Variants in VWC2 observed in about 807,000 individuals in gnomAD.
VWC2 encodes the protein brorin.
VWC2 carries 14 observed loss-of-function variants against 29.8 expected under a neutral mutation model. The observed-to-expected ratio is 0.47, with a 90% CI of 0.31 to 0.74. VWC2 has a LOEUF of 0.74. Ranked by LOEUF, VWC2 falls within the 30% of genes least tolerant of loss-of-function variation. The pLI, the probability that VWC2 is intolerant of heterozygous loss-of-function variation, is 0.05. For missense variants in VWC2, 457 were observed against 459.8 expected, an observed-to-expected ratio of 0.99 and a Z score of 0.05; for synonymous variants, 213 against 199.0, an observed-to-expected ratio of 1.07 and a Z score of -0.59.
intron 3 of VWC2, among the ~76,000 whole-genome samples, chr7:49,869,109 T>C (rs540933258): frequency 3.0e-4 from 45 of 152,302 alleles, no homozygotes; most frequent in African/African-American, 7.0e-4. Context: ...CTTTTTTTTT[T>C]CCATAAATAT....
chr7:49,813,785 C>T (rs1055864159), intron 3 of VWC2, among the ~76,000 whole-genome samples: 2 of 152,100 alleles, frequency 1.3e-5, no homozygotes, highest in South Asian at 4.1e-4. Context: ...TACAAAAATA[C>T]ACTCTCTATC....
chr7:49,836,748 T>A (rs577985), intron 3 of VWC2, among the ~76,000 whole-genome samples: 2 of 152,114 alleles, frequency 1.3e-5, no homozygotes, highest in African/African-American at 4.8e-5. Flanking sequence ...AGAAAAAATC[T>A]TTTAGGTTTT....
At chr7:49,899,143 T>C (rs1392096061) in intron 3 of VWC2, among the ~76,000 whole-genome samples, 1 of 152,038 alleles carries the variant, frequency 6.6e-6, no homozygotes, top group Admixed American at 6.6e-5. Flanking sequence ...AAGGATATGT[T>C]CTACAACCCC....
chr7:49,891,622 A>C (rs1000357734), intron 3 of VWC2, among the ~76,000 whole-genome samples: 2 of 152,212 alleles, frequency 1.3e-5, no homozygotes, highest in Admixed American at 6.5e-5. Flanking sequence ...ATAAAAAAAA[A>C]CAGCAATAAT....
At chr7:49,901,615 A>T (rs1301099559) in intron 3 of VWC2, among the ~76,000 whole-genome samples, 1 of 151,910 alleles carries the variant, frequency 6.6e-6, no homozygotes, top group Non-Finnish European at 1.5e-5. Context: ...CATTATCAAG[A>T]TCTATTGTTG....
rs1407106492 is a variant in VWC2 at position 49,918,924 on chromosome 7, G to T, written c.*6739G>T. 6.6e-6 allele frequency: 1 copy of T among 152,112 alleles called. No homozygotes were observed. Among genetic ancestry groups the T allele is most frequent in the Admixed American group, 6.6e-5 (1 of 15,262 alleles). 9.4% of individuals were successfully genotyped at this position (152,112 alleles called of 1,614,324 possible). On this transcript the variant is annotated 3_prime_UTR_variant, in exon 4 of 4. Coordinates refer to ENST00000340652, the MANE Select transcript of VWC2 (RefSeq NM_198570.5). ...AAATACAAAAAAATTACCTGGGCAT[G>T]GTGGCACATGCCTGTAATCTACTCG... is the stretch of plus-strand genomic sequence containing the variant.
At chr7:49,858,650 T>C (rs1001006825) in intron 3 of VWC2, among the ~76,000 whole-genome samples, 4 of 151,826 alleles carry the variant, frequency 2.6e-5, no homozygotes, top group Middle Eastern at 3.2e-3. Context: ...CACATGTATA[T>C]ATATGTAACA....
intron 2 of VWC2, among the ~76,000 whole-genome samples, chr7:49,778,762 TG>T (rs1403644875): frequency 1.3e-5 from 2 of 152,236 alleles, no homozygotes; most frequent in African/African-American, 4.8e-5. Context: ...ATTGTTAACA[TG>T]CCTGCTCTGG....
chr7:49,886,205 C>A (rs138419904), intron 3 of VWC2, among the ~76,000 whole-genome samples: 6 of 152,232 alleles, frequency 3.9e-5, no homozygotes, highest in Non-Finnish European at 7.4e-5. Flanking sequence ...AGTGAGGGGA[C>A]CTTGGTAAGC....
intron 3 of VWC2, among the ~76,000 whole-genome samples, chr7:49,811,472 A>C (rs1045570682): frequency 6.6e-6 from 1 of 152,210 alleles, no homozygotes; most frequent in Non-Finnish European, 1.5e-5. Context: ...CATGTGAAGA[A>C]GGACATGTTT....
chr7:49,851,763 A>G (rs545848855), intron 3 of VWC2, among the ~76,000 whole-genome samples: 117 of 152,204 alleles, frequency 7.7e-4, no homozygotes, highest in Admixed American at 2.2e-3. Flanking sequence ...GAGGCTGAGT[A>G]AGGAGAATCG....
chr7:49,897,695 G>C (rs1452973280), intron 3 of VWC2, among the ~76,000 whole-genome samples: 3 of 152,212 alleles, frequency 2.0e-5, no homozygotes, highest in Non-Finnish European at 4.4e-5. Flanking sequence ...TGAGCAGAAA[G>C]CTCCATGGGA....
At chr7:49,793,652 C>T (rs1353410868) in intron 2 of VWC2, among the ~76,000 whole-genome samples, 2 of 152,172 alleles carry the variant, frequency 1.3e-5, no homozygotes, top group Non-Finnish European at 2.9e-5. Flanking sequence ...TAATTTATAA[C>T]TGCTGTCTAT....
chr7:49,855,173 A>G (rs1263411725), intron 3 of VWC2, among the ~76,000 whole-genome samples: 1 of 152,258 alleles, frequency 6.6e-6, no homozygotes, highest in African/African-American at 2.4e-5. Context: ...TGCAATTATC[A>G]TATTTCTTAG....
chr7:49,854,389 T>C (rs2128717800), intron 3 of VWC2, among the ~76,000 whole-genome samples: 1 of 152,272 alleles, frequency 6.6e-6, no homozygotes, highest in Admixed American at 6.5e-5. Flanking sequence ...TTCCTGACTT[T>C]TTAATGATCG....
chr7:49,900,743 G>A (rs569025769), intron 3 of VWC2, among the ~76,000 whole-genome samples: 1 of 151,868 alleles, frequency 6.6e-6, no homozygotes, highest in Admixed American at 6.6e-5. Context: ...AGGAAGAACT[G>A]ATATCAATAT....
intron 3 of VWC2, among the ~76,000 whole-genome samples, chr7:49,820,942 G>T (rs1312996031): frequency 6.6e-6 from 1 of 152,208 alleles, no homozygotes; most frequent in Non-Finnish European, 1.5e-5. Flanking sequence ...AGCGTGGTCA[G>T]GTAAGAGCTG....
At chr7:49,787,514 G>A (rs1330690774) in intron 2 of VWC2, among the ~76,000 whole-genome samples, 1 of 152,144 alleles carries the variant, frequency 6.6e-6, no homozygotes, top group Non-Finnish European at 1.5e-5. Flanking sequence ...ACTATGCTCT[G>A]GGGACATGGA....
intron 3 of VWC2, among the ~76,000 whole-genome samples, chr7:49,875,379 A>AAAC (rs1791363632): frequency 2.0e-5 from 3 of 148,500 alleles, no homozygotes; most frequent in South Asian, 2.1e-4. Context: ...CAAAAAAAAA[A>AAAC]AAAAAAAAAA....
Sources: allele counts gnomAD v4.1 joint callset (sites outside exome capture counted in the v4.1 genomes callset), GRCh38; gene constraint gnomAD v4.1.1; transcripts MANE v1.5; gene names NCBI Gene and HGNC (gene_info 2026-07-23, HGNC 2026-07-21).